MOB4: variants seen among roughly 807,000 people sequenced by gnomAD.
MOB4 encodes MOB-like protein phocein.
MOB4 carries 4 observed loss-of-function variants against 32.2 expected under a neutral mutation model. That is an observed-to-expected ratio of 0.12 (90% CI 0.06 to 0.28). MOB4 has a LOEUF of 0.28. Ranked by LOEUF, MOB4 falls within the 10% of genes least tolerant of loss-of-function variation. The pLI is 1.00. For synonymous variants in MOB4, 88 were observed against 88.1 expected (o/e 1.00, Z 0.01); for missense variants, 158 against 271.2 (o/e 0.58, Z 2.93).
chr2:197,529,306 A>G (rs1022144816), intron 2 of MOB4, among the ~76,000 whole-genome samples: 4 of 151,878 alleles, frequency 2.6e-5, no homozygotes, highest in African/African-American at 9.7e-5. Context: ...TAGATATAGA[A>G]TTCTGGCTTG....
chr2:197,535,611 TG>T lies in MOB4; in HGVS notation c.207del (p.Trp69Ter). ...EPPEGQDEGV[W>X]KYEHLRQFCL... Reference sequence around the variant, plus strand: ...ACCTGAAGGCCAAGATGAAGGTGTGTGGAAGTATGAACATTTAAGGTAGGAC... The same window carrying T: ...ACCTGAAGGCCAAGATGAAGGTGTGTGAAGTATGAACATTTAAGGTAGGAC... On this transcript the variant is annotated frameshift_variant, in exon 3 of 8. Transcript: ENST00000323303. LOFTEE classifies it high-confidence loss of function. The T allele has an allele frequency of 6.2e-7, 1 of 1,612,202 alleles. No homozygotes were observed. The highest frequency in any genetic ancestry group is 8.5e-7 in the Non-Finnish European group (1 of 1,179,600).
intron 6 of MOB4, 37 bp from the exon 7 acceptor site, chr2:197,550,238 C>A: frequency 6.4e-7 from 1 of 1,562,198 alleles, no homozygotes; most frequent in South Asian, 1.2e-5. Context: ...AGATTCTATC[C>A]AGTTCTAAGA....
chr2:197,552,914 A>G lies in MOB4; in HGVS notation c.*2268A>G, dbSNP rs950046191. 6.6e-6 allele frequency: 1 copy of G among 152,232 alleles called. No homozygotes were observed. The highest frequency in any genetic ancestry group is 2.4e-5 in the African/African-American group (1 of 41,464). 9.4% of individuals were successfully genotyped at this position (152,232 alleles called of 1,614,324 possible). The stretch of plus-strand genomic sequence containing the variant: ...AATTACCCTATGTATATCCGAAGGT[A>G]AACTTAGGCTTTTCTTTCCAAAAGA... On this transcript the variant is annotated 3_prime_UTR_variant, in exon 8 of 8. Transcript: ENST00000323303.
At chr2:197,536,899 C>A (rs1431135856) in intron 3 of MOB4, among the ~76,000 whole-genome samples, 1 of 149,016 alleles carries the variant, frequency 6.7e-6, no homozygotes, top group East Asian at 2.0e-4. Flanking sequence ...CCTGACTTGT[C>A]TTTTTTTTTT....
rs1574659607 is a variant in MOB4 at position 197,552,571 on chromosome 2, C to T, written c.*1925C>T. ...TTTTTTCTTACTCATTTCACCTTCCCTGTACTGTATGTTTGGAATTGATCA... is the reference window on the plus strand; with the variant it reads ...TTTTTTCTTACTCATTTCACCTTCCTTGTACTGTATGTTTGGAATTGATCA... On this transcript the variant is annotated 3_prime_UTR_variant, in exon 8 of 8. Transcript: ENST00000323303. 2.0e-5 allele frequency: 3 copies of T among 152,166 alleles called. No homozygotes were observed. In the East Asian group the frequency reaches 5.6e-4, roughly 29 times the overall value. 9.4% of individuals were successfully genotyped at this position (152,166 alleles called of 1,614,324 possible). A position where few individuals can be genotyped will look rare whatever the true frequency, so the allele number is the denominator to read the frequency against.
chr2:197,536,329 G>C (rs2086797524), intron 3 of MOB4, among the ~76,000 whole-genome samples: 1 of 151,950 alleles, frequency 6.6e-6, no homozygotes. Context: ...TCAGCCTCCT[G>C]AGTAGCTGGG....
intron 5 of MOB4, 129 bp from the exon 6 acceptor site, chr2:197,548,207 G>A (rs181234373): frequency 1.1e-5 from 6 of 558,468 alleles, no homozygotes; most frequent in East Asian, 3.7e-5. Flanking sequence ...ACAAGCATTC[G>A]GAAATTGTAA....
Position 197,553,451 on chromosome 2 carries a change from T to A in MOB4, c.*2805T>A, listed in dbSNP as rs1330756326. On this transcript the variant is annotated 3_prime_UTR_variant, in exon 8 of 8. Coordinates refer to ENST00000323303, the MANE Select transcript of MOB4 (RefSeq NM_015387.5). The stretch of plus-strand genomic sequence containing the variant: ...CAAAAAAAAAAAATCCTTGATTACA[T>A]TGTTAGTAAGGACTGTGTTACGATT... 6.6e-6 allele frequency: 1 copy of A among 152,002 alleles called. No individual in the cohort carries two copies. The highest frequency in any genetic ancestry group is 1.5e-5 in the Non-Finnish European group (1 of 67,990). 9.4% of individuals were successfully genotyped at this position (152,002 alleles called of 1,614,324 possible).
chr2:197,520,792 T>C (rs2086501354), intron 1 of MOB4, among the ~76,000 whole-genome samples: 1 of 151,144 alleles, frequency 6.6e-6, no homozygotes, highest in Admixed American at 6.6e-5. Flanking sequence ...GCATGGTGGC[T>C]CATGCTTGTA....
At chr2:197,536,124 C>T (rs1233737337) in intron 3 of MOB4, among the ~76,000 whole-genome samples, 1 of 151,982 alleles carries the variant, frequency 6.6e-6, no homozygotes, top group African/African-American at 2.4e-5. Flanking sequence ...GTCTCAAACT[C>T]CTGGATTCAA....
chr2:197,534,220 T>C lies in MOB4; in HGVS notation c.124-1310T>C, dbSNP rs1021891194. Reference sequence around the variant, plus strand: ...AAAGATTGTCTGAAGTAGGCAAAATTGATTGGCTCAAGAAGGCCTTATAGT... The same window carrying C: ...AAAGATTGTCTGAAGTAGGCAAAATCGATTGGCTCAAGAAGGCCTTATAGT... On this transcript the variant is annotated intron_variant, in intron 2 of 7. Transcript: ENST00000323303. 3.3e-5 allele frequency among the ~76,000 whole-genome samples: 5 copies of C among 152,210 alleles called. No homozygotes were observed. In the East Asian group the frequency reaches 9.6e-4, roughly 29 times the overall value.
intron 2 of MOB4, among the ~76,000 whole-genome samples, chr2:197,524,661 T>A (rs1307234056): frequency 1.3e-5 from 2 of 152,150 alleles, no homozygotes. Flanking sequence ...TGTTTTGAAT[T>A]TTTAGTAGAG....
Position 197,550,837 on chromosome 2 carries a change from C to T in MOB4, c.*191C>T. ...ATAAGCTGTATATTCACCAGTGTGG[C>T]ACTCATGGTTTTTAAATAAGATTAG... On this transcript the variant is annotated 3_prime_UTR_variant, in exon 8 of 8. Transcript: ENST00000323303. The T allele has an allele frequency of 4.1e-6, 2 of 486,436 alleles. No homozygotes were observed. The highest frequency in any genetic ancestry group is 6.2e-6 in the Non-Finnish European group (2 of 320,856). 30.1% of individuals were successfully genotyped at this position (486,436 alleles called of 1,614,324 possible).
intron 1 of MOB4, among the ~76,000 whole-genome samples, chr2:197,523,204 G>T (rs557465166): frequency 6.6e-6 from 1 of 152,046 alleles, no homozygotes; most frequent in East Asian, 1.9e-4. Context: ...TACATTAAAG[G>T]TTTATGGGAG....
chr2:197,540,014 G>A, intron 3 of MOB4, 97 bp from the exon 4 acceptor site: 2 of 1,302,156 alleles, frequency 1.5e-6, no homozygotes, highest in African/African-American at 1.5e-5. Context: ...TGAGGGAGGA[G>A]GGATGATACT....
At chr2:197,522,247 A>G (rs1052302048) in intron 1 of MOB4, among the ~76,000 whole-genome samples, 2 of 149,610 alleles carry the variant, frequency 1.3e-5, no homozygotes. Context: ...GGTTTTTACT[A>G]TAGTCACCCT....
intron 1 of MOB4, chr2:197,516,532 C>T (rs2086415591): frequency 3.4e-6 from 2 of 584,918 alleles, no homozygotes; most frequent in Non-Finnish European, 6.0e-6. Flanking sequence ...AGGTCGGGGC[C>T]GCTGAGGTGG....
chr2:197,526,951 T>C (rs2086621225), intron 2 of MOB4, among the ~76,000 whole-genome samples: 1 of 152,148 alleles, frequency 6.6e-6, no homozygotes, highest in Admixed American at 6.5e-5. Context: ...CCAACTTTGT[T>C]CCTTATTTTA....
rs1445521016 is a variant in MOB4, at chr2:197,550,618, A to G, written c.650A>G (p.Asn217Ser). The G allele has an allele frequency of 6.2e-7, 1 of 1,600,824 alleles. No homozygotes were observed. The highest frequency in any genetic ancestry group is 2.2e-5 in the East Asian group (1 of 44,720). Residue 217 changes from asparagine (N) to serine (S), a missense_variant, in exon 8 of 8, where the codon AAT becomes AGT. Around this residue, in one of 6 missense-constraint regions of MOB4, gnomAD observed 45 missense variants for 65.6 expected, o/e 0.69. Transcript: ENST00000323303. Reference sequence around the variant, plus strand: ...CCAATTTTAGAAGAGGAAGTACAGAATTCAGTTTCTGGGGAAAGTGAAGCA... The same window carrying G: ...CCAATTTTAGAAGAGGAAGTACAGAGTTCAGTTTCTGGGGAAAGTGAAGCA... ...IVPILEEEVQNSVSGESEA is the reference protein window; with the variant it reads ...IVPILEEEVQSSVSGESEA
Sources: gnomAD v4.1 joint callset for allele counts (sites outside exome capture counted in the v4.1 genomes callset) on GRCh38, gnomAD v4.1.1 for gene constraint, gnomAD v4.1.1 regional missense constraint, MANE v1.5 for transcripts, NCBI Gene and HGNC (gene_info 2026-07-23, HGNC 2026-07-21) for gene names.